RNF144A: variants seen among roughly 807,000 people sequenced by gnomAD.
The protein encoded by RNF144A is E3 ubiquitin-protein ligase RNF144A.
In RNF144A, 11 loss-of-function variants were observed where a neutral mutation model predicts 38.7. That is an observed-to-expected ratio of 0.28 (90% CI 0.18 to 0.47). RNF144A has a LOEUF of 0.47. RNF144A is among the 20% of genes least tolerant of loss of function. RNF144A has a pLI of 0.99. For synonymous variants in RNF144A, 149 were observed against 143.9 expected (o/e 1.04, Z -0.25); for missense variants, 316 against 377.2 (o/e 0.84, Z 1.34).
At chr2:6,923,501 G>A (rs1204933434) in intron 1 of RNF144A, among the ~76,000 whole-genome samples, 5 of 152,174 alleles carry the variant, frequency 3.3e-5, no homozygotes, top group African/African-American at 1.2e-4. Flanking sequence ...AGCTGCTGAC[G>A]TGTGCCCTGG....
intron 1 of RNF144A, among the ~76,000 whole-genome samples, chr2:6,926,801 A>ATTG (rs1479767973): frequency 6.6e-6 from 1 of 152,098 alleles, no homozygotes; most frequent in East Asian, 1.9e-4. Context: ...CTTTATTTCT[A>ATTG]TTGTTGTTGT....
chr2:7,074,761 G>C, the RNF144A span: 1 of 151,244 alleles, frequency 6.6e-6, no homozygotes, highest in Non-Finnish European at 1.5e-5. Flanking sequence ...GGTGGAAGAA[G>C]AGAAAGGAAG....
At chr2:7,074,693 G>GAGT in the RNF144A span, 10 of 152,326 alleles carry the variant, frequency 6.6e-5, no homozygotes, top group African/African-American at 2.4e-4. Flanking sequence ...GTCACTCCTA[G>GAGT]AGTCCCCACA....
intron 3 of RNF144A, among the ~76,000 whole-genome samples, chr2:7,002,954 G>C (rs1186948685): frequency 6.6e-6 from 1 of 151,834 alleles, no homozygotes; most frequent in Non-Finnish European, 1.5e-5. Flanking sequence ...TGTAGGTCTA[G>C]GCTAATGTGT....
intron 2 of RNF144A, among the ~76,000 whole-genome samples, chr2:6,970,900 A>G (rs1417026960): frequency 6.6e-6 from 1 of 152,238 alleles, no homozygotes; most frequent in Non-Finnish European, 1.5e-5. Flanking sequence ...GTTGCCTCCA[A>G]GGCATGGCCT....
rs945507861 is a variant in RNF144A, at chr2:7,042,543, C to G, written c.*2783C>G. The G allele has an allele frequency of 2.0e-6, 2 of 985,394 alleles. No individual in the cohort carries two copies. The highest frequency in any genetic ancestry group is 3.5e-5 in the African/African-American group (2 of 57,236). The allele number at this position is 985,394 out of a possible 1,614,324, so 61.0% of individuals were successfully genotyped here. A position where few individuals can be genotyped will look rare whatever the true frequency, so the allele number is the denominator to read the frequency against. On this transcript the variant is annotated 3_prime_UTR_variant, in exon 9 of 9. Transcript: ENST00000320892. ...GCCCAGGGTGGGTGGCCAGTGAGGA[C>G]TGGCCTTAGCCCAGTGGACCTGTGG...
chr2:6,990,392 A>G lies in RNF144A; in HGVS notation c.-11-6524A>G, dbSNP rs1267088173. ...CTAAAGACTATATATATTTACACACACACACACACACACACACACACACAC... is the reference window on the plus strand; with the variant it reads ...CTAAAGACTATATATATTTACACACGCACACACACACACACACACACACAC... On this transcript the variant is annotated intron_variant, in intron 2 of 8. Transcript: ENST00000320892. Among the ~76,000 whole-genome samples, 6 of 26,808 alleles carry G rather than the reference A, an allele frequency of 2.2e-4. No individual in the cohort carries two copies. In the African/African-American group the frequency reaches 2.3e-3, roughly 10 times the overall value. 17.6% of individuals were successfully genotyped at this position (26,808 alleles called of 152,430 possible).
chr2:6,922,752 G>A (rs1164428530), intron 1 of RNF144A, among the ~76,000 whole-genome samples: 1 of 151,864 alleles, frequency 6.6e-6, no homozygotes. Flanking sequence ...AGCCTCCCGA[G>A]TAGCTGGGAC....
intron 1 of RNF144A, among the ~76,000 whole-genome samples, chr2:6,933,476 A>G (rs977059993): frequency 4.6e-5 from 7 of 152,238 alleles, no homozygotes; most frequent in African/African-American, 1.4e-4. Flanking sequence ...AATATGTTAT[A>G]CTTATGAGAT....
At chr2:7,026,825 A>G (rs1347657974) in intron 7 of RNF144A, among the ~76,000 whole-genome samples, 7 of 152,194 alleles carry the variant, frequency 4.6e-5, no homozygotes, top group African/African-American at 1.7e-4. Flanking sequence ...ACCCTAAAGC[A>G]GGTTCCGCCC....
chr2:6,942,582 A>G (rs1318580918), intron 2 of RNF144A, among the ~76,000 whole-genome samples: 1 of 152,206 alleles, frequency 6.6e-6, no homozygotes, highest in Admixed American at 6.5e-5. Flanking sequence ...AATATGAGGA[A>G]AAGGGGAAAG....
At chr2:7,046,039 G>C (rs1258941806), downstream of RNF144A, among the ~76,000 whole-genome samples, 6 of 152,242 alleles carry the variant, frequency 3.9e-5, no homozygotes, top group Non-Finnish European at 7.3e-5. Context: ...TCAACTCTTA[G>C]AGGAACCCAA....
intron 6 of RNF144A, among the ~76,000 whole-genome samples, chr2:7,064,650 G>C (rs757547111): frequency 6.6e-6 from 1 of 152,212 alleles, no homozygotes; most frequent in Non-Finnish European, 1.5e-5. Flanking sequence ...ACCAACACAG[G>C]CTGTAGATTA....
intron 1 of RNF144A, chr2:6,918,819 C>A (rs1021057162): frequency 6.7e-6 from 1 of 149,912 alleles, no homozygotes; most frequent in African/African-American, 2.4e-5. Flanking sequence ...TGCGCTGCCT[C>A]CTGCAGGATC....
intron 1 of RNF144A, among the ~76,000 whole-genome samples, chr2:6,940,158 T>C (rs1401156234): frequency 3.3e-5 from 5 of 152,236 alleles, no homozygotes; most frequent in Non-Finnish European, 7.3e-5. Flanking sequence ...TGTTAATATA[T>C]TAGTTTGGAA....
At chr2:7,063,577 G>T (rs999524096) in intron 6 of RNF144A, among the ~76,000 whole-genome samples, 11 of 152,126 alleles carry the variant, frequency 7.2e-5, no homozygotes, top group Non-Finnish European at 1.6e-4. Flanking sequence ...AGTCAAAGGG[G>T]TGTTTGAGAG....
rs1673041463 is a variant in RNF144A at position 7,041,511 on chromosome 2, C to G, written c.*1751C>G. 1.0e-6 allele frequency: 1 copy of G among 985,930 alleles called. No homozygotes were observed. Among genetic ancestry groups the G allele is most frequent in the Non-Finnish European group, 1.2e-6 (1 of 829,960 alleles). The allele number at this position is 985,930 out of a possible 1,614,324, so 61.1% of individuals were successfully genotyped here. Reference sequence around the variant, plus strand: ...TAAGAACATGCCTGCGACTCCCTTTCTGGATGGAACCTGGGCTGTGGCTCT... The same window carrying G: ...TAAGAACATGCCTGCGACTCCCTTTGTGGATGGAACCTGGGCTGTGGCTCT... On this transcript the variant is annotated 3_prime_UTR_variant, in exon 9 of 9. Coordinates refer to ENST00000320892, the MANE Select transcript of RNF144A (RefSeq NM_014746.6).
intron 2 of RNF144A, among the ~76,000 whole-genome samples, chr2:6,965,523 A>C (rs949580897): frequency 6.6e-6 from 1 of 152,192 alleles, no homozygotes. Flanking sequence ...AAGCTTTTCT[A>C]AGCCTGAGGC....
intron 7 of RNF144A, among the ~76,000 whole-genome samples, chr2:7,026,479 T>A (rs1374933202): frequency 3.3e-5 from 5 of 151,528 alleles, no homozygotes; most frequent in African/African-American, 1.2e-4. Flanking sequence ...TTTATTTATT[T>A]TTGTATTTTA....
Sources: gnomAD v4.1 joint callset for allele counts (sites outside exome capture counted in the v4.1 genomes callset) on GRCh38, gnomAD v4.1.1 for gene constraint, MANE v1.5 for transcripts, NCBI Gene and HGNC (gene_info 2026-07-23, HGNC 2026-07-21) for gene names.